The following RFX7 variants were observed in gnomAD, a reference collection of about 807,000 sequenced individuals.
RFX7 encodes the protein regulatory factor X7.
In RFX7, 26 loss-of-function variants were observed where a neutral mutation model predicts 111.8. The observed-to-expected ratio is 0.23, with a 90% CI of 0.17 to 0.32. The LOEUF (loss-of-function observed/expected upper bound fraction) is 0.32. Ranked by LOEUF, RFX7 falls within the 10% of genes least tolerant of loss-of-function variation. The probability of loss-of-function intolerance (pLI) is 1.00; values close to 1 mark genes in which losing one functional copy is unlikely to be tolerated. For synonymous variants in RFX7, 624 were observed against 624.4 expected (o/e 1.00, Z 0.01); for missense variants, 1,573 against 1,772.9 (o/e 0.89, Z 2.02).
intron 5 of RFX7, among the ~76,000 whole-genome samples, chr15:56,139,529 C>G (rs1352663496): frequency 3.3e-5 from 5 of 152,002 alleles, no homozygotes; most frequent in African/African-American, 1.2e-4. Flanking sequence ...AAATGTTTTT[C>G]AAAGTTTTCA....
At chr15:56,111,661 CA>C (rs371681721) in intron 5 of RFX7, among the ~76,000 whole-genome samples, 4,314 of 95,560 alleles carry the variant, frequency 0.045, 202 homozygotes, top group African/African-American at 0.14. Context: ...ATAAATAAAC[CA>C]AAAAAAAAAA....
intron 5 of RFX7, among the ~76,000 whole-genome samples, chr15:56,111,122 C>T (rs1383589298): frequency 1.5e-5 from 2 of 137,902 alleles, no homozygotes; most frequent in African/African-American, 2.6e-5. Context: ...CCCCTCTGCC[C>T]GGCCACCACC....
At chr15:56,180,003 T>G (rs1169963709) in intron 2 of RFX7, among the ~76,000 whole-genome samples, 1 of 152,152 alleles carries the variant, frequency 6.6e-6, no homozygotes, top group Non-Finnish European at 1.5e-5. Flanking sequence ...ATAAAATAAT[T>G]TAAACAACTA....
intron 5 of RFX7, among the ~76,000 whole-genome samples, chr15:56,109,317 G>A (rs1304675497): frequency 4.6e-5 from 7 of 152,246 alleles, no homozygotes; most frequent in Admixed American, 2.6e-4. Context: ...CGAGGTGCCG[G>A]GATTGCAGAC....
intron 3 of RFX7, among the ~76,000 whole-genome samples, chr15:56,177,143 C>T (rs2042911828): frequency 6.6e-6 from 1 of 152,130 alleles, no homozygotes; most frequent in African/African-American, 2.4e-5. Context: ...TCATTCCCAG[C>T]TTCAGATTTT....
chr15:56,106,745 C>G (rs559408469), intron 5 of RFX7, among the ~76,000 whole-genome samples: 1 of 152,246 alleles, frequency 6.6e-6, no homozygotes, highest in East Asian at 1.9e-4. Context: ...TTCAATGATT[C>G]TTTTAAAAAT....
At chr15:56,154,901 T>C (rs574654838) in intron 3 of RFX7, among the ~76,000 whole-genome samples, 11 of 151,610 alleles carry the variant, frequency 7.3e-5, no homozygotes, top group Admixed American at 1.3e-4. Flanking sequence ...AGGACTAATA[T>C]CCAGAAACAA....
intron 5 of RFX7, among the ~76,000 whole-genome samples, chr15:56,138,326 T>C (rs1398279111): frequency 2.7e-5 from 4 of 150,708 alleles, no homozygotes; most frequent in East Asian, 2.0e-4. Flanking sequence ...ATATTTAGGA[T>C]AGTTAGCTCT....
intron 2 of RFX7, among the ~76,000 whole-genome samples, chr15:56,187,147 G>C (rs1026869462): frequency 2.7e-5 from 4 of 150,466 alleles, no homozygotes; most frequent in Non-Finnish European, 5.9e-5. Flanking sequence ...AATCAAAAGA[G>C]TAATCAAAAG....
Position 56,243,184 on chromosome 15 carries a change from C to T in RFX7, c.102G>A (p.Val34=), listed in dbSNP as rs369905644. 8.1e-6 allele frequency: 11 copies of T among 1,353,482 alleles called. No homozygotes were observed. The highest frequency in any genetic ancestry group is 1.1e-5 in the Non-Finnish European group (11 of 1,015,826). The allele number at this position is 1,353,482 out of a possible 1,614,324, so 83.8% of individuals were successfully genotyped here. A position where few individuals can be genotyped will look rare whatever the true frequency, so the allele number is the denominator to read the frequency against. ...TGGCCTCTGTCCCTGGCAGCCCGGGCACAAGGGCTGGCAGGGCCACCCCCG... is the reference window on the plus strand; with the variant it reads ...TGGCCTCTGTCCCTGGCAGCCCGGGTACAAGGGCTGGCAGGGCCACCCCCG... ...PNSGVALPAL[V]PGLPGTEASA... The change falls in exon 2 of 10, where the codon GTG becomes GTA. Residue 34 remains valine (V), a synonymous_variant. Transcript: ENST00000559447.
intron 5 of RFX7, among the ~76,000 whole-genome samples, chr15:56,119,400 A>G (rs1313542151): frequency 1.3e-5 from 2 of 152,200 alleles, no homozygotes; most frequent in South Asian, 2.1e-4. Flanking sequence ...ATTCTTCTAC[A>G]TAAGGATATC....
In RFX7 at chr15:56,092,135, T is replaced by C. The variant is rs1309756764; in HGVS notation, c.*1210A>G. 1 of 152,582 alleles carries C rather than the reference T, an allele frequency of 6.6e-6. No homozygotes were observed. The highest frequency in any genetic ancestry group is 1.5e-5 in the Non-Finnish European group (1 of 67,984). 9.5% of individuals were successfully genotyped at this position (152,582 alleles called of 1,614,324 possible). A position where few individuals can be genotyped will look rare whatever the true frequency, so the allele number is the denominator to read the frequency against. On this transcript the variant is annotated 3_prime_UTR_variant, in exon 10 of 10. Coordinates refer to ENST00000559447, the MANE Select transcript of RFX7 (RefSeq NM_022841.7). ...ACATTTTAAAACAAATCCTGAGTTC[T>C]TCTTTTGCAATTGTGGTTATCACAA...
chr15:56,185,602 T>G (rs1476101444), intron 2 of RFX7, among the ~76,000 whole-genome samples: 2 of 152,090 alleles, frequency 1.3e-5, no homozygotes, highest in Admixed American at 6.5e-5. Flanking sequence ...AGACTATAAT[T>G]TTTACATTTT....
intron 2 of RFX7, among the ~76,000 whole-genome samples, chr15:56,186,842 T>C (rs1267132271): frequency 6.6e-6 from 1 of 152,206 alleles, no homozygotes; most frequent in African/African-American, 2.4e-5. Context: ...CTGTATGTAT[T>C]CATGAACATA....
chr15:56,141,100 C>T (rs540115946), intron 5 of RFX7, among the ~76,000 whole-genome samples: 22 of 152,350 alleles, frequency 1.4e-4, no homozygotes, highest in African/African-American at 5.0e-4. Context: ...AGTCCTTTAA[C>T]ATTCCCTACT....
intron 3 of RFX7, among the ~76,000 whole-genome samples, chr15:56,168,556 C>G (rs912189392): frequency 6.6e-6 from 1 of 152,062 alleles, no homozygotes; most frequent in Non-Finnish European, 1.5e-5. Flanking sequence ...AAGTTGGGGC[C>G]CTTAACACTG....
upstream of RFX7, among the ~76,000 whole-genome samples, chr15:56,244,758 A>G (rs2043803120): frequency 6.6e-6 from 1 of 152,070 alleles, no homozygotes. Context: ...GGCGTCAGCC[A>G]CGAGCTCCTT....
At chr15:56,112,966 C>T (rs542158785) in intron 5 of RFX7, among the ~76,000 whole-genome samples, 5 of 152,248 alleles carry the variant, frequency 3.3e-5, no homozygotes, top group African/African-American at 4.8e-5. Context: ...CATCTCATGC[C>T]GGTCAGAATG....
chr15:56,089,718 T>A lies in RFX7; in HGVS notation c.*3627A>T, dbSNP rs2041571983. ...AGTGACTGATTGCCTTTCTTGGGATTAGTTTTTCTTCAAGTACTTTTGAAT... is the reference window on the plus strand; with the variant it reads ...AGTGACTGATTGCCTTTCTTGGGATAAGTTTTTCTTCAAGTACTTTTGAAT... On this transcript the variant is annotated 3_prime_UTR_variant, in exon 10 of 10. Transcript: ENST00000559447. 2.1e-4 allele frequency: 2 copies of A among 9,546 alleles called. No homozygotes were observed. The highest frequency in any genetic ancestry group is 6.4e-3 in the Admixed American group (2 of 314). The allele number at this position is 9,546 out of a possible 1,614,324, so 0.6% of individuals were successfully genotyped here. A position where few individuals can be genotyped will look rare whatever the true frequency, so the allele number is the denominator to read the frequency against.
Sources: gnomAD v4.1 joint callset for allele counts (sites outside exome capture counted in the v4.1 genomes callset) on GRCh38, gnomAD v4.1.1 for gene constraint, MANE v1.5 for transcripts, NCBI Gene and HGNC (gene_info 2026-07-23, HGNC 2026-07-21) for gene names.